SHC4: variants seen among roughly 807,000 people sequenced by gnomAD.
SHC4 encodes the protein SHC-transforming protein 4.
A neutral mutation model predicts 69.4 loss-of-function variants in SHC4; 41 were observed. The ratio of observed to expected loss-of-function variants is 0.59; its 90% CI spans 0.46 to 0.77. The LOEUF is 0.77. SHC4 is among the 30% of genes least tolerant of loss of function. The pLI is 0.00. For synonymous variants in SHC4, 318 were observed against 299.3 expected (o/e 1.06, Z -0.64); for missense variants, 777 against 783.8 (o/e 0.99, Z 0.10).
chr15:48,896,712 C>T (rs1209303553), intron 2 of SHC4, among the ~76,000 whole-genome samples: 1 of 152,188 alleles, frequency 6.6e-6, no homozygotes, highest in Non-Finnish European at 1.5e-5. Flanking sequence ...TTACAGATCC[C>T]AGGTTAAGAA....
At chr15:48,916,144 A>G (rs1900615797) in intron 2 of SHC4, among the ~76,000 whole-genome samples, 1 of 152,140 alleles carries the variant, frequency 6.6e-6, no homozygotes. Context: ...TTAGCTACCT[A>G]ATATACAGAT....
At chr15:48,922,725 T>A (rs747477112) in intron 2 of SHC4, among the ~76,000 whole-genome samples, 2 of 152,238 alleles carry the variant, frequency 1.3e-5, no homozygotes. Context: ...TCCTTTGTCC[T>A]GTGCCAACCT....
At chr15:48,915,699 C>T (rs1455594965) in intron 2 of SHC4, among the ~76,000 whole-genome samples, 1 of 152,228 alleles carries the variant, frequency 6.6e-6, no homozygotes, top group African/African-American at 2.4e-5. Flanking sequence ...TTGCAGGGGC[C>T]TTAACACCCT....
intron 11 of SHC4, among the ~76,000 whole-genome samples, chr15:48,834,269 C>G (rs1467933617): frequency 6.6e-6 from 1 of 152,126 alleles, no homozygotes; most frequent in Non-Finnish European, 1.5e-5. Context: ...GAAATCTTGC[C>G]TTCTTTCAAG....
chr15:48,949,475 A>G (rs1901331647), intron 1 of SHC4, among the ~76,000 whole-genome samples: 1 of 151,978 alleles, frequency 6.6e-6, no homozygotes, highest in African/African-American at 2.4e-5. Context: ...GCCTGTATCA[A>G]GACCTTGATA....
intron 10 of SHC4, among the ~76,000 whole-genome samples, chr15:48,841,479 C>T (rs1898987274): frequency 6.6e-6 from 1 of 152,212 alleles, no homozygotes; most frequent in Non-Finnish European, 1.5e-5. Context: ...TGTCAGCAGT[C>T]AGCCTGCAGC....
chr15:48,900,130 G>C (rs574667233), intron 2 of SHC4, among the ~76,000 whole-genome samples: 128 of 152,268 alleles, frequency 8.4e-4, no homozygotes, highest in African/African-American at 2.9e-3. Flanking sequence ...TGTTTTCAAT[G>C]TAGTCACTCT....
intron 4 of SHC4, among the ~76,000 whole-genome samples, chr15:48,874,229 C>G (rs1050096059): frequency 2.6e-5 from 4 of 152,082 alleles, no homozygotes; most frequent in Non-Finnish European, 5.9e-5. Context: ...AAAAATGTCA[C>G]AAGAATTCAA....
At chr15:48,914,115 C>A (rs777907449) in intron 2 of SHC4, among the ~76,000 whole-genome samples, 1 of 152,236 alleles carries the variant, frequency 6.6e-6, no homozygotes, top group Non-Finnish European at 1.5e-5. Context: ...TCTGCCTTGG[C>A]CTCCCAAAGT....
At chr15:48,871,872 G>A in intron 5 of SHC4, 2 of 441,748 alleles carry the variant, frequency 4.5e-6, no homozygotes, top group South Asian at 2.6e-5. Flanking sequence ...ACTAATCCAA[G>A]TATTTTAAAA....
chr15:48,836,244 A>G (rs1210834171), intron 10 of SHC4, among the ~76,000 whole-genome samples: 2 of 152,138 alleles, frequency 1.3e-5, no homozygotes, highest in Non-Finnish European at 2.9e-5. Context: ...TAATAGTTGT[A>G]GATCTGAAAT....
intron 11 of SHC4, among the ~76,000 whole-genome samples, chr15:48,828,378 TATC>T (rs1898730058): frequency 6.6e-6 from 1 of 152,186 alleles, no homozygotes; most frequent in African/African-American, 2.4e-5. Context: ...ATATGGATAT[TATC>T]ATATTTCCTT....
At chr15:48,907,547 T>G (rs1900427584) in intron 2 of SHC4, among the ~76,000 whole-genome samples, 1 of 152,046 alleles carries the variant, frequency 6.6e-6, no homozygotes, top group African/African-American at 2.4e-5. Flanking sequence ...TATAGTCTTC[T>G]ATCTCTCATC....
intron 10 of SHC4, among the ~76,000 whole-genome samples, chr15:48,840,106 A>G (rs1397093662): frequency 2.0e-5 from 3 of 152,216 alleles, no homozygotes; most frequent in African/African-American, 7.2e-5. Context: ...TGAGGGCCCA[A>G]GCAGCCACTT....
chr15:48,866,814 G>A (rs889840002), intron 6 of SHC4, among the ~76,000 whole-genome samples: 5 of 152,242 alleles, frequency 3.3e-5, no homozygotes, highest in African/African-American at 9.6e-5. Flanking sequence ...TCCATACCTG[G>A]GACAGCAGAG....
intron 11 of SHC4, among the ~76,000 whole-genome samples, chr15:48,828,011 A>C (rs1242939931): frequency 6.6e-6 from 1 of 152,038 alleles, no homozygotes; most frequent in Non-Finnish European, 1.5e-5. Flanking sequence ...TCCTGCAGAC[A>C]CTTGTGTTTG....
At chr15:48,887,181 T>C (rs1900050825) in intron 3 of SHC4, among the ~76,000 whole-genome samples, 1 of 152,212 alleles carries the variant, frequency 6.6e-6, no homozygotes, top group Admixed American at 6.5e-5. Flanking sequence ...ATGCAGTATC[T>C]AACAGATCTA....
chr15:48,947,242 C>T (rs1595767156), intron 1 of SHC4: 1 of 152,274 alleles, frequency 6.6e-6, no homozygotes, highest in East Asian at 1.9e-4. Context: ...TCATCCAGCA[C>T]CTCTGGGTCT....
intron 1 of SHC4, among the ~76,000 whole-genome samples, chr15:48,939,418 T>C (rs1901134308): frequency 6.6e-6 from 1 of 152,060 alleles, no homozygotes; most frequent in Admixed American, 6.5e-5. Flanking sequence ...AAATAAGGGG[T>C]GGTCCAAAAA....
Sources: allele counts gnomAD v4.1 joint callset (sites outside exome capture counted in the v4.1 genomes callset), GRCh38; gene constraint gnomAD v4.1.1; transcripts MANE v1.5; gene names NCBI Gene and HGNC (gene_info 2026-07-23, HGNC 2026-07-21).